The following THG1L variants were observed in gnomAD, a reference collection of about 807,000 sequenced individuals.
THG1L encodes probable tRNA(His) guanylyltransferase.
A neutral mutation model predicts 35.2 loss-of-function variants in THG1L; 27 were observed. That is an observed-to-expected ratio of 0.77 (90% CI 0.57 to 1.06). THG1L has a LOEUF of 1.06. Ranked by LOEUF, THG1L falls within the 50% of genes least tolerant of loss-of-function variation. THG1L has a pLI of 0.00. For missense variants in THG1L, 377 were observed against 371.8 expected (o/e 1.01, Z -0.12); for synonymous variants, 135 against 132.4 (o/e 1.02, Z -0.14).
Position 157,740,315 on chromosome 5 carries a change from C to T in THG1L, c.*833C>T, listed in dbSNP as rs1761001360. On this transcript the variant is annotated 3_prime_UTR_variant, in exon 6 of 6. Transcript: ENST00000231198. ...TATTAGACTTCTTGAAAAACATTCT[C>T]ACATAGCCTCTATGTAATCAGACAA... 1 of 152,192 alleles carries T rather than the reference C, an allele frequency of 6.6e-6. No homozygotes were observed. The highest frequency in any genetic ancestry group is 2.1e-4 in the South Asian group (1 of 4,824). The allele number at this position is 152,192 out of a possible 1,614,324, so 9.4% of individuals were successfully genotyped here.
chr5:157,731,722 C>T (rs748117793), intron 1 of THG1L, 91 bp downstream of exon 1: 4 of 1,469,832 alleles, frequency 2.7e-6, no homozygotes, highest in African/African-American at 2.8e-5. Flanking sequence ...CCGCTCCAGT[C>T]ACGGTTACCA....
At position 157,738,071 on chromosome 5, in the gene THG1L, C is replaced by G. The variant is rs565432753; in HGVS notation, c.735+77C>G. ...GTGCCCATTCCAAGCTGTGCCCTCC[C>G]TGCTGCCTGTATGCTGATGTTACTC... On this transcript the variant is annotated intron_variant, in intron 5 of 5. Transcript: ENST00000231198. The G allele has an allele frequency of 2.7e-6, 3 of 1,116,526 alleles. No individual in the cohort carries two copies. The South Asian group carries it at 4.0e-5, about 15-fold the overall frequency. 69.2% of individuals were successfully genotyped at this position (1,116,526 alleles called of 1,614,324 possible).
At position 157,739,659 on chromosome 5, in the gene THG1L, C is replaced by A; in HGVS notation, c.*177C>A. On this transcript the variant is annotated 3_prime_UTR_variant, in exon 6 of 6. Coordinates refer to ENST00000231198, the MANE Select transcript of THG1L (RefSeq NM_017872.5). ...ATGGATGGGGGTGGTGTATCTTACTCTGTTTAAGCAGAACACCTTGTTTGC... is the reference window on the plus strand; with the variant it reads ...ATGGATGGGGGTGGTGTATCTTACTATGTTTAAGCAGAACACCTTGTTTGC... 1.7e-6 allele frequency: 1 copy of A among 586,052 alleles called. No individual in the cohort carries two copies. The highest frequency in any genetic ancestry group is 2.7e-6 in the Non-Finnish European group (1 of 375,388). 36.3% of individuals were successfully genotyped at this position (586,052 alleles called of 1,614,324 possible).
intron 2 of THG1L, among the ~76,000 whole-genome samples, chr5:157,733,534 T>G (rs201300948): frequency 1.3e-5 from 2 of 152,162 alleles, no homozygotes; most frequent in East Asian, 3.9e-4. Flanking sequence ...TCTCTCTGTG[T>G]TGCCCAGGCT....
At chr5:157,734,496 A>G (rs1269468410) in intron 2 of THG1L, 80 bp from the exon 3 acceptor site, 5 of 1,544,334 alleles carry the variant, frequency 3.2e-6, no homozygotes, top group Admixed American at 3.4e-5. Context: ...TGTGGTACCC[A>G]CAGGTCTTAT....
rs372364237 is a variant in THG1L at position 157,734,294 on chromosome 5, AG to A, written c.369-280del. Reference sequence around the variant, plus strand: ...TCCCAGCTACTCGGGAGTCTGAGGCAGGAGAATCACTTGAACCCAGGAGGCA... The same window carrying A: ...TCCCAGCTACTCGGGAGTCTGAGGCAGAGAATCACTTGAACCCAGGAGGCA... On this transcript the variant is annotated intron_variant, in intron 2 of 5. Transcript: ENST00000231198. Among the ~76,000 whole-genome samples the A allele has an allele frequency of 1.9e-3, 288 of 152,308 alleles. 2 individuals are homozygous for A. Among genetic ancestry groups the A allele is most frequent in the African/African-American group, 6.6e-3 (274 of 41,564 alleles).
At chr5:157,737,477 T>A (rs1246466600) in intron 4 of THG1L, among the ~76,000 whole-genome samples, 2 of 151,842 alleles carry the variant, frequency 1.3e-5, no homozygotes, top group Non-Finnish European at 2.9e-5. Context: ...AGTGAGACTT[T>A]GTCTAAAAAA....
At position 157,734,712 on chromosome 5, in the gene THG1L, T is replaced by C. The variant is rs368746748; in HGVS notation, c.505T>C (p.Leu169=). The C allele has an allele frequency of 1.9e-5, 30 of 1,613,910 alleles. No homozygotes were observed. In the African/African-American group the frequency reaches 3.5e-4, roughly 19 times the overall value. The change falls in exon 3 of 6, where the codon TTA becomes CTA. Residue 169 remains leucine, a synonymous_variant. Transcript: ENST00000231198. ...CGTGGTGTATCCCAGCAACCAGACTTTAAAGGACTACCTCAGCTGGCGACA... is the reference window on the plus strand; with the variant it reads ...CGTGGTGTATCCCAGCAACCAGACTCTAAAGGACTACCTCAGCTGGCGACA... The part of the protein sequence containing the change: ...RVVVYPSNQT[L]KDYLSWRQAD...
Position 157,732,860 on chromosome 5 carries a change from CT to C in THG1L, c.192-7del, listed in dbSNP as rs747889633. The C allele has an allele frequency of 1.2e-5, 19 of 1,613,700 alleles. No individual in the cohort carries two copies. The highest frequency in any genetic ancestry group is 1.4e-5 in the Non-Finnish European group (17 of 1,179,842). On this transcript the variant is annotated splice_region_variant and splice_polypyrimidine_tract_variant and intron_variant, in intron 1 of 5. Transcript: ENST00000231198. ...ATCCATGCTTTCTTCCCTTTTTCCC[CT>C]GTGAAGGTTTGCTGAGAAGCACAAC...
Position 157,737,997 on chromosome 5 carries a change from A to G in THG1L, c.735+3A>G, listed in dbSNP as rs1481312672. ...GGACTGTGTTGATATGGCAGAAGGT[A>G]ATGCTGTTATGTTCAAAGAAAAATG... On this transcript the variant is annotated splice_donor_region_variant and intron_variant, in intron 5 of 5. Coordinates refer to ENST00000231198, the MANE Select transcript of THG1L (RefSeq NM_017872.5). 1 of 1,605,014 alleles carries G rather than the reference A, an allele frequency of 6.2e-7. No homozygotes were observed. The highest frequency in any genetic ancestry group is 2.2e-5 in the East Asian group (1 of 44,686).
chr5:157,739,494 T>C lies in THG1L; in HGVS notation c.*12T>C, dbSNP rs576998714. ...ATGAAGACAGCTGACCCTTTTGCGC[T>C]TCAGTTCTGGTGTGCTTAACCATGC... On this transcript the variant is annotated 3_prime_UTR_variant, in exon 6 of 6. Transcript: ENST00000231198. 6.2e-7 allele frequency: 1 copy of C among 1,609,206 alleles called. No individual in the cohort carries two copies. Among genetic ancestry groups the C allele is most frequent in the South Asian group, 1.1e-5 (1 of 90,080 alleles).
intron 4 of THG1L, among the ~76,000 whole-genome samples, chr5:157,736,905 GACTA>G (rs1175554111): frequency 1.3e-5 from 2 of 152,200 alleles, no homozygotes; most frequent in South Asian, 2.1e-4. Flanking sequence ...CTTGTAGGAT[GACTA>G]ACTGTGAAGT....
Position 157,732,860 on chromosome 5 carries a change from C to T in THG1L, c.192-8C>T, listed in dbSNP as rs771901493. The T allele has an allele frequency of 1.2e-6, 2 of 1,613,818 alleles. No individual in the cohort carries two copies. Among genetic ancestry groups the T allele is most frequent in the South Asian group, 1.1e-5 (1 of 91,066 alleles). On this transcript the variant is annotated splice_polypyrimidine_tract_variant and splice_region_variant and intron_variant, in intron 1 of 5. Coordinates refer to ENST00000231198, the MANE Select transcript of THG1L (RefSeq NM_017872.5). ...ATCCATGCTTTCTTCCCTTTTTCCC[C>T]TGTGAAGGTTTGCTGAGAAGCACAA...
chr5:157,739,771 G>T lies in THG1L; in HGVS notation c.*289G>T. ...TAAAGCAAGAACTATTCCATGCCTT[G>T]GAGAATGAATCATTTTTAGATTGTG... is the stretch of plus-strand genomic sequence containing the variant. On this transcript the variant is annotated 3_prime_UTR_variant, in exon 6 of 6. Coordinates refer to ENST00000231198, the MANE Select transcript of THG1L (RefSeq NM_017872.5). 1 of 249,216 alleles carries T rather than the reference G, an allele frequency of 4.0e-6. No homozygotes were observed. The allele number at this position is 249,216 out of a possible 1,614,324, so 15.4% of individuals were successfully genotyped here.
chr5:157,738,038 G>C (rs1376631157), intron 5 of THG1L, 44 bp downstream of exon 5: 1 of 1,501,850 alleles, frequency 6.7e-7, no homozygotes, highest in African/African-American at 1.4e-5. Context: ...CAGGAAAAAA[G>C]ATAGCCTGTG....
In THG1L at chr5:157,740,172, C is replaced by G. The variant is rs1760996609; in HGVS notation, c.*690C>G. 6.6e-6 allele frequency: 1 copy of G among 152,146 alleles called. No homozygotes were observed. The highest frequency in any genetic ancestry group is 1.5e-5 in the Non-Finnish European group (1 of 68,030). The allele number at this position is 152,146 out of a possible 1,614,324, so 9.4% of individuals were successfully genotyped here. A position where few individuals can be genotyped will look rare whatever the true frequency, so the allele number is the denominator to read the frequency against. On this transcript the variant is annotated 3_prime_UTR_variant, in exon 6 of 6. Transcript: ENST00000231198. ...AGTTGCCAAGGCCATTTACCTCTTT[C>G]TAAGAAGAAACAGAATTATGTGTAT...
chr5:157,734,920 G>T (rs970513538), intron 3 of THG1L, among the ~76,000 whole-genome samples, 175 bp downstream of exon 3: 3 of 151,424 alleles, frequency 2.0e-5, no homozygotes, highest in South Asian at 2.1e-4. Flanking sequence ...TAAATTTTAC[G>T]TAAAAACTCC....
At position 157,732,910 on chromosome 5, in the gene THG1L, T is replaced by C. The variant is rs1047935608; in HGVS notation, c.234T>C (p.Arg78=). ...ACTTTGCAAAACCCAATGACAGCCG[T>C]GCTCTCCAGCTGATGACCAAATGTG... ...KHNFAKPNDS[R]ALQLMTKCAQ... The change falls in exon 2 of 6, where the codon CGT becomes CGC. Residue 78 remains arginine, a synonymous_variant. Transcript: ENST00000231198. 4 of 1,614,124 alleles carry C rather than the reference T, an allele frequency of 2.5e-6. No homozygotes were observed. The highest frequency in any genetic ancestry group is 3.4e-6 in the Non-Finnish European group (4 of 1,180,044).
chr5:157,740,542 A>T lies in THG1L; in HGVS notation c.*1060A>T, dbSNP rs1004942478. On this transcript the variant is annotated 3_prime_UTR_variant, in exon 6 of 6. Coordinates refer to ENST00000231198, the MANE Select transcript of THG1L (RefSeq NM_017872.5). ...GGGAAGGTAGTGGGAATAGGTGGTG[A>T]GAGAACTCACATTTTTCTCTTGTCC... The T allele has an allele frequency of 6.6e-6, 1 of 152,442 alleles. No homozygotes were observed. The highest frequency in any genetic ancestry group is 1.5e-5 in the Non-Finnish European group (1 of 68,220). The allele number at this position is 152,442 out of a possible 1,614,324, so 9.4% of individuals were successfully genotyped here.
Sources: gnomAD v4.1 joint callset for allele counts (sites outside exome capture counted in the v4.1 genomes callset) on GRCh38, gnomAD v4.1.1 for gene constraint, MANE v1.5 for transcripts, NCBI Gene and HGNC (gene_info 2026-07-23, HGNC 2026-07-21) for gene names.